The following EFCAB5 variants were observed in gnomAD, a reference collection of about 807,000 sequenced individuals.
EFCAB5 encodes EF-hand calcium-binding domain-containing protein 5.
EFCAB5 carries 131 observed loss-of-function variants against 167.9 expected under a neutral mutation model. That is an observed-to-expected ratio of 0.78 (90% CI 0.68 to 0.90). The LOEUF is 0.90. Among genes scored for constraint, EFCAB5 ranks in the 40% least tolerant of loss-of-function variants. EFCAB5 has a pLI of 0.00. For synonymous variants in EFCAB5, 574 were observed against 602.8 expected (o/e 0.95, Z 0.70); for missense variants, 1,663 against 1,745.2 (o/e 0.95, Z 0.84).
At chr17:29,932,449 CTTT>C (rs35262851) in intron 1 of EFCAB5, among the ~76,000 whole-genome samples, 5 of 66,708 alleles carry the variant, frequency 7.5e-5, no homozygotes, top group Non-Finnish European at 8.3e-5. Context: ...CTGTGCCCGG[CTTT>C]TTTTTTTTTT....
At chr17:29,955,215 A>G (rs1023105320) in intron 3 of EFCAB5, among the ~76,000 whole-genome samples, 12 of 152,128 alleles carry the variant, frequency 7.9e-5, no homozygotes, top group African/African-American at 2.9e-4. Flanking sequence ...ATGAGGGAAC[A>G]TGAGATTTGG....
chr17:30,034,891 T>G (rs2069576494), intron 8 of EFCAB5, among the ~76,000 whole-genome samples: 2 of 152,156 alleles, frequency 1.3e-5, no homozygotes, highest in African/African-American at 4.8e-5. Context: ...GCACAGAAAT[T>G]TGGGGTTCAA....
chr17:30,011,284 G>A (rs377373764), intron 7 of EFCAB5, among the ~76,000 whole-genome samples: 1 of 152,172 alleles, frequency 6.6e-6, no homozygotes, highest in African/African-American at 2.4e-5. Context: ...TCTTGGCGAT[G>A]CAGGCTCTGT....
intron 13 of EFCAB5, chr17:30,059,246 T>G: frequency 5.6e-6 from 1 of 178,990 alleles, no homozygotes; most frequent in Non-Finnish European, 1.2e-5. Flanking sequence ...AATCACTGCA[T>G]TTTCTTTTCT....
At chr17:29,950,734 A>G (rs1224438469) in intron 3 of EFCAB5, 1 of 152,198 alleles carries the variant, frequency 6.6e-6, no homozygotes, top group Admixed American at 6.5e-5. Context: ...AGAATACAGT[A>G]TATAATACAC....
chr17:29,956,836 G>C (rs771242962), intron 3 of EFCAB5, among the ~76,000 whole-genome samples: 1 of 151,698 alleles, frequency 6.6e-6, no homozygotes, highest in East Asian at 1.9e-4. Context: ...GGGGAGGGAG[G>C]GAGAGAGAGA....
chr17:30,082,173 G>A (rs2071000151), intron 17 of EFCAB5, among the ~76,000 whole-genome samples: 1 of 152,172 alleles, frequency 6.6e-6, no homozygotes, highest in African/African-American at 2.4e-5. Context: ...TAGTGGCCAT[G>A]TCTGCACAGA....
intron 12 of EFCAB5, 85 bp from the exon 13 acceptor site, chr17:30,057,591 T>TA (rs1488166066): frequency 4.1e-5 from 46 of 1,123,158 alleles, no homozygotes; most frequent in Non-Finnish European, 5.8e-5. Flanking sequence ...AAATGGCAGA[T>TA]ATTCATTACA....
intron 4 of EFCAB5, among the ~76,000 whole-genome samples, chr17:29,990,162 A>G (rs1204702914): frequency 6.6e-6 from 1 of 152,180 alleles, no homozygotes; most frequent in East Asian, 1.9e-4. Flanking sequence ...GATATACTTC[A>G]GGGGCTTTAC....
rs779150392 is a variant in EFCAB5, at chr17:30,056,068, AT to A, written c.2283del (p.Phe761LeufsTer7). The part of the protein sequence containing the change: ...KIEGKSWSGE[F>X]FTCNWKMKYV... ...TTATGGAATGTGTTTTTACAGGTGA[AT>A]TTTTTACTTGTAACTGGAAAATGAA... On this transcript the variant is annotated frameshift_variant, in exon 12 of 23. Transcript: ENST00000394835. LOFTEE classifies it high-confidence loss of function. 10 of 1,612,766 alleles carry A rather than the reference AT, an allele frequency of 6.2e-6. No homozygotes were observed. Among genetic ancestry groups the A allele is most frequent in the Non-Finnish European group, 7.6e-6 (9 of 1,179,314 alleles).
chr17:30,088,635 G>A (rs1056028003), intron 19 of EFCAB5, among the ~76,000 whole-genome samples: 1 of 152,200 alleles, frequency 6.6e-6, no homozygotes, highest in African/African-American at 2.4e-5. Context: ...CTTGTCAAAT[G>A]CAAGGAATAC....
At chr17:29,979,242 C>T (rs1023936759) in intron 4 of EFCAB5, among the ~76,000 whole-genome samples, 5 of 152,002 alleles carry the variant, frequency 3.3e-5, no homozygotes, top group Admixed American at 1.3e-4. Context: ...CCCAGCTACT[C>T]GAGAGTGGGA....
rs189037370 is a variant in EFCAB5, at chr17:29,954,745, C to T, written c.190+11096C>T. Among the ~76,000 whole-genome samples, 14 of 152,216 alleles carry T rather than the reference C, an allele frequency of 9.2e-5. No individual in the cohort carries two copies. In the East Asian group the frequency reaches 1.9e-3, roughly 21 times the overall value. ...CCAAACCCCAGAATGATAGATTCACCGACAGCTTGCATCGTGCACCTGGAA... is the reference window on the plus strand; with the variant it reads ...CCAAACCCCAGAATGATAGATTCACTGACAGCTTGCATCGTGCACCTGGAA... On this transcript the variant is annotated intron_variant, in intron 3 of 22. Coordinates refer to ENST00000394835, the MANE Select transcript of EFCAB5 (RefSeq NM_198529.4).
At chr17:29,977,867 T>C (rs956499787) in intron 4 of EFCAB5, among the ~76,000 whole-genome samples, 4 of 152,102 alleles carry the variant, frequency 2.6e-5, no homozygotes, top group African/African-American at 9.7e-5. Context: ...AGTCGTGTAG[T>C]GTTCAAAGAA....
chr17:30,054,182 C>A (rs1402268763), intron 10 of EFCAB5, 34 bp downstream of exon 10: 1 of 1,481,128 alleles, frequency 6.8e-7, no homozygotes. Flanking sequence ...CATCAGTTCC[C>A]TGTTTTGTGG....
chr17:30,080,806 A>T lies in EFCAB5; in HGVS notation c.3251A>T (p.His1084Leu). ...KPIHVPQVQY[H>L]GNIFFWNQSR... ...ATCCATGTTCCCCAAGTTCAGTACC[A>T]TGGGAACATCTTCTTCTGGAACCAG... The change falls in exon 17 of 23, where the codon CAT (histidine) becomes CTT (leucine). Residue 1084 changes from histidine (H) to leucine (L), a missense_variant. Coordinates refer to ENST00000394835, the MANE Select transcript of EFCAB5 (RefSeq NM_198529.4). 2 of 1,613,022 alleles carry T rather than the reference A, an allele frequency of 1.2e-6. No individual in the cohort carries two copies. Among genetic ancestry groups the T allele is most frequent in the Non-Finnish European group, 1.7e-6 (2 of 1,179,534 alleles).
intron 4 of EFCAB5, among the ~76,000 whole-genome samples, chr17:29,986,536 C>A (rs575617966): frequency 6.6e-6 from 1 of 151,448 alleles, no homozygotes; most frequent in Non-Finnish European, 1.5e-5. Context: ...TTCTGCAGTG[C>A]AATCTTCCCA....
intron 4 of EFCAB5, among the ~76,000 whole-genome samples, chr17:29,984,132 T>C (rs1046789914): frequency 6.6e-6 from 1 of 151,416 alleles, no homozygotes; most frequent in African/African-American, 2.4e-5. Context: ...AGTGGTTTAG[T>C]GAGTGAGTGT....
At chr17:30,026,953 C>T (rs570015946) in intron 7 of EFCAB5, among the ~76,000 whole-genome samples, 2 of 128,518 alleles carry the variant, frequency 1.6e-5, no homozygotes, top group African/African-American at 5.9e-5. Flanking sequence ...CCTTGTACCT[C>T]CTTGTACCTT....
Sources: allele counts gnomAD v4.1 joint callset (sites outside exome capture counted in the v4.1 genomes callset), GRCh38; gene constraint gnomAD v4.1.1; transcripts MANE v1.5; gene names NCBI Gene and HGNC (gene_info 2026-07-23, HGNC 2026-07-21).